ACSF3: variants seen among roughly 807,000 people sequenced by gnomAD.
ACSF3 encodes acyl-CoA synthetase family member 3.
In ACSF3, 78 loss-of-function variants were observed where a neutral mutation model predicts 53.2. The ratio of observed to expected loss-of-function variants is 1.47; its 90% CI spans 1.22 to 1.77. The LOEUF (loss-of-function observed/expected upper bound fraction) is 1.77. Among genes scored for constraint, ACSF3 ranks in the 40% most tolerant of loss-of-function variants. The probability of loss-of-function intolerance (pLI) is 0.00; values close to 1 mark genes in which losing one functional copy is unlikely to be tolerated. For synonymous variants in ACSF3, 414 were observed against 333.1 expected (o/e 1.24, Z -2.65); for missense variants, 937 against 771.1 (o/e 1.22, Z -2.55).
intron 8 of ACSF3, among the ~76,000 whole-genome samples, chr16:89,134,189 C>G (rs1227659778): frequency 6.6e-6 from 1 of 152,166 alleles, no homozygotes; most frequent in Non-Finnish European, 1.5e-5. Flanking sequence ...CAGGCTGCTT[C>G]CAAGATGGTG....
In ACSF3 at chr16:89,154,726, C is replaced by T. The variant is rs1219857197; in HGVS notation, c.*519C>T. 2.2e-6 allele frequency: 1 copy of T among 454,102 alleles called. No homozygotes were observed. The allele number at this position is 454,102 out of a possible 1,614,324, so 28.1% of individuals were successfully genotyped here. On this transcript the variant is annotated 3_prime_UTR_variant, in exon 11 of 11. Transcript: ENST00000614302. ...GGGTTCACAAGCCTCCCAGAACCAG[C>T]CCTGTCCCATGGGTTCCGTGCATTT...
rs146853788 is a variant in ACSF3 at position 89,150,174 on chromosome 16, C to T, written c.1614-3916C>T. On this transcript the variant is annotated intron_variant, in intron 10 of 10. Transcript: ENST00000614302. ...GTCTCTGTTCTGTTCCCTCTCTGGA[C>T]GCACCCTCCTGCCTCCACCCTGACT... is the stretch of plus-strand genomic sequence containing the variant. 1,159 of 152,360 alleles carry T rather than the reference C, an allele frequency of 7.6e-3. 4 individuals are homozygous for T. The highest frequency in any genetic ancestry group is 0.012 in the Non-Finnish European group (784 of 68,048). The allele number at this position is 152,360 out of a possible 1,614,324, so 9.4% of individuals were successfully genotyped here. A position where few individuals can be genotyped will look rare whatever the true frequency, so the allele number is the denominator to read the frequency against.
In ACSF3 at chr16:89,133,271, C is replaced by T. The variant is rs2151521275; in HGVS notation, c.1366+9C>T. 1 of 1,613,964 alleles carries T rather than the reference C, an allele frequency of 6.2e-7. No individual in the cohort carries two copies. Among genetic ancestry groups the T allele is most frequent in the Non-Finnish European group, 8.5e-7 (1 of 1,179,912 alleles). ...TGGCTGGTTTAAGACAGGTAGGACC[C>T]AGCCCCATGGGAGTGGAGGAGACCC... On this transcript the variant is annotated intron_variant, in intron 8 of 10. Coordinates refer to ENST00000614302, the MANE Select transcript of ACSF3 (RefSeq NM_001243279.3).
chr16:89,100,052 G>A (rs1232743009), intron 2 of ACSF3, among the ~76,000 whole-genome samples: 1 of 151,314 alleles, frequency 6.6e-6, no homozygotes, highest in Non-Finnish European at 1.5e-5. Context: ...GAGGCCACAG[G>A]ATGGCATGAG....
In ACSF3 at chr16:89,146,045, G is replaced by A; in HGVS notation, c.1609G>A (p.Ala537Thr). The A allele has an allele frequency of 1.4e-6, 1 of 694,608 alleles. No individual in the cohort carries two copies. The highest frequency in any genetic ancestry group is 1.4e-5 in the South Asian group (1 of 73,938). The allele number at this position is 694,608 out of a possible 1,614,324, so 43.0% of individuals were successfully genotyped here. ...GTCCCACAGGGAGCTCAAAGAGTGG[G>A]CCAGGTAGGGCTGGGTGGGGCGGGC... ...SLSHRELKEW[A>T]RNVLAPYAVP... Residue 537 changes from alanine (A) to threonine (T), a missense_variant, in exon 10 of 11, where the codon GCC becomes ACC. By Grantham distance (58) the Ala-to-Thr change is moderately conservative. Coordinates refer to ENST00000614302, the MANE Select transcript of ACSF3 (RefSeq NM_001243279.3).
chr16:89,154,011 T>A, intron 10 of ACSF3, 79 bp from the exon 11 acceptor site: 1 of 1,454,034 alleles, frequency 6.9e-7, no homozygotes, highest in Non-Finnish European at 9.5e-7. Context: ...GGGGCACCTG[T>A]CCGTACTGCT....
chr16:89,138,546 G>C (rs992083518), intron 8 of ACSF3, among the ~76,000 whole-genome samples: 1 of 152,246 alleles, frequency 6.6e-6, no homozygotes, highest in Non-Finnish European at 1.5e-5. Flanking sequence ...GCTTGCCCCA[G>C]CCCCTTTCAT....
intron 8 of ACSF3, among the ~76,000 whole-genome samples, chr16:89,137,693 T>C: frequency 6.6e-6 from 1 of 151,510 alleles, no homozygotes; most frequent in Non-Finnish European, 1.5e-5. Flanking sequence ...CACCAGGAGC[T>C]CACAGGGAAG....
chr16:89,136,497 A>T, intron 8 of ACSF3: 1 of 1,225,084 alleles, frequency 8.2e-7, no homozygotes, highest in Non-Finnish European at 1.0e-6. Context: ...CCGGGAGAGC[A>T]TGATATTAAA....
intron 7 of ACSF3, among the ~76,000 whole-genome samples, chr16:89,125,374 A>C (rs575886300): frequency 6.7e-6 from 1 of 148,714 alleles, no homozygotes; most frequent in South Asian, 2.1e-4. Context: ...TAGCTTGTCT[A>C]TATCTACAAA....
At chr16:89,150,351 C>T (rs1218315133) in intron 10 of ACSF3, 2 of 152,746 alleles carry the variant, frequency 1.3e-5, no homozygotes, top group African/African-American at 2.4e-5. Flanking sequence ...GCAGCAGCTG[C>T]TGCTTTCATT....
intron 10 of ACSF3, chr16:89,153,809 G>A: frequency 2.0e-6 from 1 of 489,796 alleles, no homozygotes; most frequent in Non-Finnish European, 3.8e-6. Context: ...CTCTGTGCAG[G>A]CCTATCCTCA....
At chr16:89,130,078 C>T (rs1271481387) in intron 7 of ACSF3, among the ~76,000 whole-genome samples, 2 of 152,172 alleles carry the variant, frequency 1.3e-5, no homozygotes, top group African/African-American at 2.4e-5. Context: ...TCCTGTATTC[C>T]CAATATACCA....
rs1976089197 is a variant in ACSF3 at position 89,107,176 on chromosome 16, G to A, written c.822+4417G>A. Among the ~76,000 whole-genome samples, 3 of 152,208 alleles carry A rather than the reference G, an allele frequency of 2.0e-5. No homozygotes were observed. The South Asian group carries it at 6.2e-4, about 32-fold the overall frequency. The stretch of plus-strand genomic sequence containing the variant: ...TTCAGGGGGCCTCCAGGTCTTTCAC[G>A]TCTTGGAAGTGTGGCAACACATTGG... On this transcript the variant is annotated intron_variant, in intron 4 of 10. Coordinates refer to ENST00000614302, the MANE Select transcript of ACSF3 (RefSeq NM_001243279.3).
At chr16:89,102,458 A>G (rs1975458984) in intron 3 of ACSF3, 146 bp from the exon 4 acceptor site, 1 of 907,542 alleles carries the variant, frequency 1.1e-6, no homozygotes, top group Admixed American at 2.0e-5. Flanking sequence ...AGAGGCTGCT[A>G]AAGGGGAGCA....
intron 7 of ACSF3, among the ~76,000 whole-genome samples, chr16:89,128,114 T>G (rs1207663785): frequency 6.6e-6 from 1 of 151,878 alleles, no homozygotes; most frequent in East Asian, 1.9e-4. Flanking sequence ...TTTTCTCTTT[T>G]TCTAGTTGCT....
At chr16:89,112,333 T>A in intron 5 of ACSF3, 87 bp downstream of exon 5, 1 of 1,549,448 alleles carries the variant, frequency 6.5e-7, no homozygotes, top group Non-Finnish European at 8.9e-7. Context: ...TCCTACTAAG[T>A]TCTGGGAAGC....
rs144555049 is a variant in ACSF3, at chr16:89,099,780, T to TTAGA, written c.-20-865_-20-862dup. On this transcript the variant is annotated intron_variant, in intron 2 of 10. Transcript: ENST00000614302. The stretch of plus-strand genomic sequence containing the variant: ...CTGGGTGACAGACCAAGACTGCATC[T>TTAGA]TAGATAGATAGATAGATAGACAGAG... 5.1e-3 allele frequency among the ~76,000 whole-genome samples: 770 copies of TTAGA among 150,296 alleles called. 6 individuals are homozygous for TTAGA. Among genetic ancestry groups the TTAGA allele is most frequent in the African/African-American group, 0.018 (719 of 40,708 alleles).
Position 89,155,462 on chromosome 16 carries a change from C to G in ACSF3, c.*1255C>G, listed in dbSNP as rs73256087. The G allele has an allele frequency of 2.2e-6, 1 of 454,186 alleles. No homozygotes were observed. 28.1% of individuals were successfully genotyped at this position (454,186 alleles called of 1,614,324 possible). On this transcript the variant is annotated 3_prime_UTR_variant, in exon 11 of 11. Transcript: ENST00000614302. ...TGAGCATGTCGCCCACCAAGCTTGT[C>G]TGAGGCCACAGAGCAGCGTCCCAGC...
Sources: gnomAD v4.1 joint callset for allele counts (sites outside exome capture counted in the v4.1 genomes callset) on GRCh38, gnomAD v4.1.1 for gene constraint, MANE v1.5 for transcripts, NCBI Gene and HGNC (gene_info 2026-07-23, HGNC 2026-07-21) for gene names.